TOM1L1: variants seen among roughly 807,000 people sequenced by gnomAD.
TOM1L1 encodes TOM1-like protein 1.
In TOM1L1, 64 loss-of-function variants were observed where a neutral mutation model predicts 63.4. The ratio of observed to expected loss-of-function variants is 1.01; its 90% CI spans 0.83 to 1.24. TOM1L1 has a LOEUF of 1.24. Among genes scored for constraint, TOM1L1 ranks in the 50% most tolerant of loss-of-function variants. The probability of loss-of-function intolerance (pLI) is 0.00; values close to 1 mark genes in which losing one functional copy is unlikely to be tolerated. For synonymous variants in TOM1L1, 166 were observed against 194.4 expected, an observed-to-expected ratio of 0.85 and a Z score of 1.22; for missense variants, 536 against 567.0, an observed-to-expected ratio of 0.95 and a Z score of 0.55.
chr17:54,943,479 T>TGTGTGTGTGTGTGTGA (rs748237003), intron 11 of TOM1L1, among the ~76,000 whole-genome samples: 18 of 150,324 alleles, frequency 1.2e-4, no homozygotes, highest in African/African-American at 4.2e-4. Context: ...TGTGTGTGTG[T>TGTGTGTGTGTGTGTGA]GAAATAAAGT....
chr17:54,927,675 C>T (rs141565885), intron 7 of TOM1L1, among the ~76,000 whole-genome samples: 88 of 152,304 alleles, frequency 5.8e-4, no homozygotes, highest in Admixed American at 9.1e-4. Context: ...TCCCCTGGCT[C>T]CCCACATCCA....
At chr17:54,911,674 C>T (rs562406981) in intron 3 of TOM1L1, among the ~76,000 whole-genome samples, 1 of 152,294 alleles carries the variant, frequency 6.6e-6, no homozygotes, top group African/African-American at 2.4e-5. Flanking sequence ...GTACCCACAT[C>T]ATCTTAGTTT....
rs188921550 is a variant in TOM1L1 at position 54,944,254 on chromosome 17, C to T, written c.1131-3007C>T. Among the ~76,000 whole-genome samples, 20 of 151,116 alleles carry T rather than the reference C, an allele frequency of 1.3e-4. No individual in the cohort carries two copies. In the East Asian group the frequency reaches 2.4e-3, roughly 18 times the overall value. On this transcript the variant is annotated intron_variant, in intron 11 of 15. Transcript: ENST00000575882. ...CTTGAGGCCAGGAGTTTGAGACCAGCGTGGCCAAAATGGTGAAACCCCATC... is the reference window on the plus strand; with the variant it reads ...CTTGAGGCCAGGAGTTTGAGACCAGTGTGGCCAAAATGGTGAAACCCCATC...
chr17:54,928,307 CA>C (rs1390971376), intron 7 of TOM1L1, among the ~76,000 whole-genome samples: 1 of 150,970 alleles, frequency 6.6e-6, no homozygotes, highest in African/African-American at 2.4e-5. Flanking sequence ...GCACCATTGC[CA>C]ATTCTTACAA....
chr17:54,955,607 C>G (rs2049460008), intron 14 of TOM1L1, among the ~76,000 whole-genome samples: 1 of 152,170 alleles, frequency 6.6e-6, no homozygotes, highest in Non-Finnish European at 1.5e-5. Context: ...AGTTATACCA[C>G]GTAGGGAACA....
chr17:54,906,361 T>C (rs9889559), intron 3 of TOM1L1, among the ~76,000 whole-genome samples: 44,122 of 151,384 alleles, frequency 0.29, 6,446 homozygotes, highest in Non-Finnish European at 0.3. Context: ...CCCAGCTACT[T>C]GGGAGTCTGA....
chr17:54,941,106 C>T (rs1167624171), intron 11 of TOM1L1, among the ~76,000 whole-genome samples: 1 of 152,060 alleles, frequency 6.6e-6, no homozygotes, highest in Non-Finnish European at 1.5e-5. Context: ...TGTCTTTAGG[C>T]AAATAGGAAT....
intron 11 of TOM1L1, among the ~76,000 whole-genome samples, chr17:54,944,301 T>C (rs998103572): frequency 6.7e-6 from 1 of 149,598 alleles, no homozygotes; most frequent in Non-Finnish European, 1.5e-5. Context: ...ATAGAAAAAA[T>C]TAGCCGGGCG....
chr17:54,929,618 T>C (rs2048823107), intron 7 of TOM1L1, among the ~76,000 whole-genome samples: 1 of 152,236 alleles, frequency 6.6e-6, no homozygotes, highest in Non-Finnish European at 1.5e-5. Flanking sequence ...GTTTATGCTT[T>C]ATAGTTATAG....
At chr17:54,958,148 A>G (rs1269140894) in intron 14 of TOM1L1, 1 of 152,266 alleles carries the variant, frequency 6.6e-6, no homozygotes, top group African/African-American at 2.4e-5. Flanking sequence ...GCTAAAACCA[A>G]GAGTAAAGAA....
At chr17:54,924,276 CTTTTTTCTTTT>C (rs1051887226) in intron 7 of TOM1L1, among the ~76,000 whole-genome samples, 13 of 128,700 alleles carry the variant, frequency 1.0e-4, no homozygotes, top group Non-Finnish European at 1.9e-4. Context: ...CTTTTCTTTT[CTTTTTTCTTTT>C]TTTTTTTTTT....
intron 11 of TOM1L1, among the ~76,000 whole-genome samples, chr17:54,944,635 T>C (rs1172888611): frequency 6.6e-6 from 1 of 152,216 alleles, no homozygotes; most frequent in African/African-American, 2.4e-5. Context: ...AGAATGCCTC[T>C]ATTTTGTCTG....
At chr17:54,911,103 T>G (rs1296686076) in intron 3 of TOM1L1, among the ~76,000 whole-genome samples, 2 of 152,236 alleles carry the variant, frequency 1.3e-5, no homozygotes, top group Non-Finnish European at 2.9e-5. Flanking sequence ...TCATTCTTTC[T>G]TAGTCAAGTT....
At chr17:54,949,665 T>C (rs550261264) in intron 13 of TOM1L1, 42 bp downstream of exon 13, 18 of 1,403,136 alleles carry the variant, frequency 1.3e-5, no homozygotes, top group Non-Finnish European at 1.7e-5. Flanking sequence ...AGGAAACTTA[T>C]GAGAATATAT....
rs771628283 is a variant in TOM1L1 at position 54,905,570 on chromosome 17, A to G, written c.222+3A>G. The G allele has an allele frequency of 3.3e-6, 5 of 1,529,472 alleles. No individual in the cohort carries two copies. The South Asian group carries it at 5.7e-5, about 18-fold the overall frequency. The allele number at this position is 1,529,472 out of a possible 1,614,324, so 94.7% of individuals were successfully genotyped here. On this transcript the variant is annotated splice_donor_region_variant and intron_variant, in intron 3 of 15. Coordinates refer to ENST00000575882, the MANE Select transcript of TOM1L1 (RefSeq NM_005486.3). ...AAGAAATCCAACTTACCTTGTCAGT[A>G]AGTACTTTAATTTTATAATTAAGAC...
At chr17:54,903,516 C>T (rs2048360342) in intron 1 of TOM1L1, among the ~76,000 whole-genome samples, 192 bp from the exon 2 acceptor site, 1 of 152,256 alleles carries the variant, frequency 6.6e-6, no homozygotes, top group South Asian at 2.1e-4. Flanking sequence ...ATTACTGTTG[C>T]TGCAGCAGCA....
chr17:54,948,893 G>A (rs1598054426), intron 12 of TOM1L1, among the ~76,000 whole-genome samples: 1 of 152,146 alleles, frequency 6.6e-6, no homozygotes. Context: ...TCAAGGCTGA[G>A]ATTTTATATT....
rs141807894 is a variant in TOM1L1, at chr17:54,911,030, T to C, written c.223-1636T>C. ...AGGTGGTAGCATGGAAACTAAAGAT[T>C]TAATTTTGTTTTTAGTTTACTTTTA... On this transcript the variant is annotated intron_variant, in intron 3 of 15. Transcript: ENST00000575882. Among the ~76,000 whole-genome samples, 742 of 152,306 alleles carry C rather than the reference T, an allele frequency of 4.9e-3. 5 individuals are homozygous for C. The highest frequency in any genetic ancestry group is 0.017 in the African/African-American group (691 of 41,558).
At chr17:54,951,618 C>T (rs993466710) in intron 14 of TOM1L1, among the ~76,000 whole-genome samples, 12 of 152,198 alleles carry the variant, frequency 7.9e-5, no homozygotes, top group Non-Finnish European at 1.5e-4. Flanking sequence ...AGTTGTGAGC[C>T]AGGAACCTTA....
Sources: gnomAD v4.1 joint callset for allele counts (sites outside exome capture counted in the v4.1 genomes callset) on GRCh38, gnomAD v4.1.1 for gene constraint, MANE v1.5 for transcripts, NCBI Gene and HGNC (gene_info 2026-07-23, HGNC 2026-07-21) for gene names.